The following NAV1 variants were observed in gnomAD, a reference collection of about 807,000 sequenced individuals.
The protein encoded by NAV1 is neuron navigator 1, also known as pore membrane and/or filament interacting like protein 3.
Under a neutral mutation model 175.2 loss-of-function variants are expected in NAV1, and 18 were observed. The ratio of observed to expected loss-of-function variants is 0.10; its 90% confidence interval spans 0.07 to 0.15. The LOEUF (loss-of-function observed/expected upper bound fraction) is 0.15. NAV1 is among the 10% of genes least tolerant of loss of function. The probability of loss-of-function intolerance (pLI) is 1.00; values close to 1 mark genes in which losing one functional copy is unlikely to be tolerated. For synonymous variants in NAV1, 897 were observed against 978.7 expected (o/e 0.92, Z 1.56); for missense variants, 1,731 against 2,436.6 (o/e 0.71, Z 6.10).
upstream of NAV1, among the ~76,000 whole-genome samples, chr1:201,646,463 A>G (rs894204692): frequency 1.3e-5 from 2 of 152,126 alleles, no homozygotes; most frequent in African/African-American, 4.8e-5. Context: ...TTATTTTCCC[A>G]AGTCTTGTAT....
chr1:201,636,001 C>T (rs1668608596), intron 2 of NAV1, among the ~76,000 whole-genome samples: 1 of 152,234 alleles, frequency 6.6e-6, no homozygotes, highest in Non-Finnish European at 1.5e-5. Flanking sequence ...GAACTATTTG[C>T]TAAACTTCCA....
intron 1 of NAV1, among the ~76,000 whole-genome samples, chr1:201,585,612 T>C (rs1667003339): frequency 6.6e-6 from 1 of 150,728 alleles, no homozygotes; most frequent in South Asian, 2.1e-4. Flanking sequence ...TTCTACAATT[T>C]AACAATGACA....
At position 201,788,369 on chromosome 1, in the gene NAV1, C is replaced by T. The variant is rs182661028; in HGVS notation, c.2996-99C>T. ...CTCTCCCCATTTGCCTCTCATGCTC[C>T]CGGTGCTCCATCCCCCAAGGGCCCG... On this transcript the variant is annotated intron_variant, in intron 9 of 29. Coordinates refer to ENST00000367296, the Ensembl canonical transcript of NAV1. This position sits in a 1 kb window ranked among gnomAD's most constrained non-coding sequence, Gnocchi z 5.7. The T allele has an allele frequency of 1.8e-5, 24 of 1,297,500 alleles. No homozygotes were observed. The African/African-American group carries it at 2.5e-4, about 13-fold the overall frequency. 80.4% of individuals were successfully genotyped at this position (1,297,500 alleles called of 1,614,324 possible).
At chr1:201,749,342 G>A (rs773184945) in intron 3 of NAV1, among the ~76,000 whole-genome samples, 14 of 152,218 alleles carry the variant, frequency 9.2e-5, no homozygotes, top group Non-Finnish European at 1.9e-4. Context: ...AGCAGCAAAA[G>A]TCAGAAGGGG....
intron 7 of NAV1, among the ~76,000 whole-genome samples, chr1:201,784,828 G>A (rs1024029024): frequency 6.6e-5 from 10 of 151,830 alleles, no homozygotes; most frequent in South Asian, 4.2e-4. Context: ...GTGCAGTGGC[G>A]CGATCTTGGC....
At chr1:201,767,068 C>G (rs1465807645) in intron 3 of NAV1, among the ~76,000 whole-genome samples, 2 of 151,898 alleles carry the variant, frequency 1.3e-5, no homozygotes, top group Middle Eastern at 3.4e-3. Context: ...ATCCACCTGC[C>G]TCGCCCTCCC....
In NAV1 at chr1:201,782,116, G is replaced by A; in HGVS notation, c.1664-60G>A. On this transcript the variant is annotated intron_variant, in intron 5 of 29. Transcript: ENST00000367296. This position sits in a 1 kb window ranked among gnomAD's most constrained non-coding sequence, Gnocchi z 5.4. The stretch of plus-strand genomic sequence containing the variant: ...CTTCTCCCATGGAGGGAAAGAAAAG[G>A]GTGGGTTTTTAAGATACTGGTCAGT... The A allele has an allele frequency of 7.0e-7, 1 of 1,419,498 alleles. No individual in the cohort carries two copies. 87.9% of individuals were successfully genotyped at this position (1,419,498 alleles called of 1,614,324 possible).
rs145879275 is a variant in NAV1 at position 201,808,475 on chromosome 1, G to A, written c.3903G>A (p.Glu1301=). 6.8e-6 allele frequency: 11 copies of A among 1,614,122 alleles called. No homozygotes were observed. In the African/African-American group the frequency reaches 9.3e-5, roughly 14 times the overall value. The change falls in exon 19 of 30, where the codon GAG becomes GAA. Residue 1301 remains glutamate (E), a synonymous_variant. Transcript: ENST00000367296. This position sits in a 1 kb window ranked among gnomAD's most constrained non-coding sequence, Gnocchi z 5.5. ...TGTTCCATGCAAATGAGGAGGAGGA[G>A]CCAGAGAAGAAGGAGGTATCGGAGC...
intron 2 of NAV1, among the ~76,000 whole-genome samples, chr1:201,597,337 T>A (rs905741372): frequency 2.0e-5 from 3 of 152,160 alleles, no homozygotes; most frequent in Non-Finnish European, 2.9e-5. Flanking sequence ...ACCCAGCATT[T>A]CTCAGGATTC....
In NAV1 at chr1:201,708,562, T is replaced by C. The variant is rs574193206; in HGVS notation, c.758-4255T>C. 2.0e-5 allele frequency among the ~76,000 whole-genome samples: 3 copies of C among 152,276 alleles called. No individual in the cohort carries two copies. In the South Asian group the frequency reaches 6.2e-4, roughly 32 times the overall value. On this transcript the variant is annotated intron_variant, in intron 1 of 29. Transcript: ENST00000367296. ...GAGTAAGTTTTGGAGGGTGGCATCC[T>C]GGCTGGTATCATGTGAAGGAGAACG...
upstream of NAV1, among the ~76,000 whole-genome samples, chr1:201,619,815 A>G (rs60449799): frequency 0.017 from 2,536 of 152,364 alleles, 65 homozygotes; most frequent in African/African-American, 0.057. Context: ...GGCCTAGACC[A>G]TGGGCAGCCA....
chr1:201,755,398 G>A (rs1674392257), intron 3 of NAV1, among the ~76,000 whole-genome samples: 1 of 152,082 alleles, frequency 6.6e-6, no homozygotes, highest in Non-Finnish European at 1.5e-5. Context: ...TTCAGCCTGG[G>A]CAACAGAGTG....
intron 15 of NAV1, among the ~76,000 whole-genome samples, chr1:201,800,845 CA>C (rs1677818096): frequency 1.4e-5 from 1 of 73,124 alleles, no homozygotes; most frequent in Non-Finnish European, 2.7e-5. Flanking sequence ...TTTTTTTAGA[CA>C]GGGTCTCGCT....
intron 1 of NAV1, among the ~76,000 whole-genome samples, chr1:201,677,724 C>T (rs1011641500): frequency 2.0e-5 from 3 of 152,164 alleles, no homozygotes; most frequent in Non-Finnish European, 4.4e-5. Context: ...GCCTCCCAGG[C>T]ATGGGCGACA....
At chr1:201,772,120 G>C (rs531043625) in intron 3 of NAV1, among the ~76,000 whole-genome samples, 12 of 152,328 alleles carry the variant, frequency 7.9e-5, no homozygotes, top group African/African-American at 2.4e-4. Context: ...GGGAAATATA[G>C]TCTAGTGAAA....
intron 7 of NAV1, among the ~76,000 whole-genome samples, chr1:201,784,564 G>A (rs929046549): frequency 7.7e-5 from 10 of 130,398 alleles, no homozygotes; most frequent in East Asian, 2.1e-4. Flanking sequence ...ACCATAATAC[G>A]ATCTATTTTT....
intron 2 of NAV1, among the ~76,000 whole-genome samples, chr1:201,633,855 G>A (rs546802516): frequency 5.3e-5 from 8 of 152,342 alleles, no homozygotes; most frequent in African/African-American, 1.9e-4. Context: ...GTGCTGTTGT[G>A]GGGCAGAGGT....
intron 3 of NAV1, chr1:201,723,354 AG>A (rs1199824995): frequency 1.3e-5 from 2 of 152,058 alleles, no homozygotes; most frequent in Non-Finnish European, 2.9e-5. Flanking sequence ...TATGATTTGG[AG>A]ATATTTTCTT....
At position 201,808,571 on chromosome 1, in the gene NAV1, C is replaced by T; in HGVS notation, c.3999C>T (p.His1333=). 6.2e-7 allele frequency: 1 copy of T among 1,614,266 alleles called. No homozygotes were observed. Among genetic ancestry groups the T allele is most frequent in the Non-Finnish European group, 8.5e-7 (1 of 1,180,044 alleles). ...GCTTGGAGGCCCTCAACTCTGCCCA[C>T]CAACTGGATCAGCTTCGGGAGACCA... The change falls in exon 19 of 30, where the codon CAC becomes CAT. Residue 1333 remains histidine (H), a synonymous_variant. Coordinates refer to ENST00000367296, the Ensembl canonical transcript of NAV1. This position sits in a 1 kb window ranked among gnomAD's most constrained non-coding sequence, Gnocchi z 5.5.
Sources: gnomAD v4.1 joint callset for allele counts (sites outside exome capture counted in the v4.1 genomes callset) on GRCh38, gnomAD v4.1.1 for gene constraint, Gnocchi (gnomAD v3.1) non-coding constraint, MANE v1.5 for transcripts, NCBI Gene and HGNC (gene_info 2026-07-23, HGNC 2026-07-21) for gene names.